Variants in PTPRZ1 observed in about 807,000 individuals in gnomAD.
PTPRZ1 encodes the protein receptor-type tyrosine-protein phosphatase zeta.
PTPRZ1 carries 82 observed loss-of-function variants against 214.1 expected under a neutral mutation model. That is an observed-to-expected ratio of 0.38 (90% confidence interval 0.32 to 0.46). The LOEUF (loss-of-function observed/expected upper bound fraction) is 0.46. Among genes scored for constraint, PTPRZ1 ranks in the 20% least tolerant of loss-of-function variants. PTPRZ1 has a pLI of 1.00. For synonymous variants in PTPRZ1, 945 were observed against 987.9 expected, an observed-to-expected ratio of 0.96 and a Z score of 0.81; for missense variants, 2,603 against 2,748.7, an observed-to-expected ratio of 0.95 and a Z score of 1.19.
chr7:121,910,640 T>TA (rs1418128367), intron 1 of PTPRZ1, among the ~76,000 whole-genome samples: 1 of 151,570 alleles, frequency 6.6e-6, no homozygotes, highest in East Asian at 1.9e-4. Context: ...AAGAAAAGAC[T>TA]AAAAAAGGAA....
At chr7:121,932,510 G>T (rs1272621944) in intron 2 of PTPRZ1, among the ~76,000 whole-genome samples, 6 of 152,050 alleles carry the variant, frequency 3.9e-5, no homozygotes, top group African/African-American at 1.4e-4. Context: ...AGTTTATCTT[G>T]TTGAGCTGTA....
intron 11 of PTPRZ1, among the ~76,000 whole-genome samples, chr7:122,007,190 GATCTAGAGGAAA>G (rs1798518790): frequency 1.3e-5 from 2 of 152,116 alleles, no homozygotes; most frequent in African/African-American, 4.8e-5. Flanking sequence ...AGAAGGCTAT[GATCTAGAGGAAA>G]ATGAGGAGGA....
At chr7:122,044,298 T>A in intron 22 of PTPRZ1, 124 bp from the exon 23 acceptor site, 1 of 1,124,896 alleles carries the variant, frequency 8.9e-7, no homozygotes, top group South Asian at 1.5e-5. Flanking sequence ...GTAAGCAATC[T>A]TGTGTGGGTC....
chr7:121,990,873 A>G (rs1797939570), intron 8 of PTPRZ1, among the ~76,000 whole-genome samples: 1 of 152,196 alleles, frequency 6.6e-6, no homozygotes, highest in African/African-American at 2.4e-5. Flanking sequence ...ACATGTGAAT[A>G]ACAGTACAAA....
At chr7:121,898,262 G>GTTTT (rs5887058) in intron 1 of PTPRZ1, among the ~76,000 whole-genome samples, 2 of 149,786 alleles carry the variant, frequency 1.3e-5, no homozygotes, top group African/African-American at 4.9e-5. Flanking sequence ...AATGTGATGG[G>GTTTT]TTTTTTTTTT....
intron 12 of PTPRZ1, among the ~76,000 whole-genome samples, chr7:122,014,431 A>ATTC (rs1196518407): frequency 2.0e-5 from 3 of 151,880 alleles, no homozygotes; most frequent in African/African-American, 7.2e-5. Flanking sequence ...TATTATTATT[A>ATTC]TTTAATTAAT....
intron 29 of PTPRZ1, 132 bp downstream of exon 29, chr7:122,060,020 T>C (rs1009538288): frequency 6.3e-5 from 56 of 887,116 alleles, no homozygotes; most frequent in Non-Finnish European, 8.7e-5. Context: ...TCAAGCTGAA[T>C]TACAAGTCCA....
At chr7:122,018,990 G>A in intron 12 of PTPRZ1, 134 bp from the exon 13 acceptor site, 1 of 791,984 alleles carries the variant, frequency 1.3e-6, no homozygotes, top group Non-Finnish European at 2.0e-6. Flanking sequence ...TATAATTGTA[G>A]ACATTCTTTG....
intron 1 of PTPRZ1, among the ~76,000 whole-genome samples, chr7:121,905,603 A>T (rs1795091124): frequency 1.3e-5 from 2 of 149,964 alleles, no homozygotes. Context: ...TACATGTAAC[A>T]CTTAACAGTG....
intron 2 of PTPRZ1, among the ~76,000 whole-genome samples, chr7:121,953,158 T>G (rs1191418413): frequency 6.6e-6 from 1 of 152,250 alleles, no homozygotes; most frequent in East Asian, 1.9e-4. Flanking sequence ...TAATTATCAC[T>G]TAAGCACTTT....
At position 121,997,877 on chromosome 7, in the gene PTPRZ1, T is replaced by C. The variant is rs1474121135; in HGVS notation, c.1114-3T>C. On this transcript the variant is annotated splice_region_variant and splice_polypyrimidine_tract_variant and intron_variant, in intron 9 of 29. Coordinates refer to ENST00000393386, the MANE Select transcript of PTPRZ1 (RefSeq NM_002851.3). ...TGTATAATTACTAACATCTTTCTTTTAGGGTGCTATTCTCAATAATTTGCT... is the reference window on the plus strand; with the variant it reads ...TGTATAATTACTAACATCTTTCTTTCAGGGTGCTATTCTCAATAATTTGCT... The C allele has an allele frequency of 1.3e-6, 2 of 1,599,770 alleles. No homozygotes were observed. Among genetic ancestry groups the C allele is most frequent in the Non-Finnish European group, 1.7e-6 (2 of 1,169,766 alleles).
At chr7:122,057,248 A>G (rs189319357) in intron 27 of PTPRZ1, among the ~76,000 whole-genome samples, 2 of 152,028 alleles carry the variant, frequency 1.3e-5, no homozygotes, top group East Asian at 3.9e-4. Flanking sequence ...CTCATCAGGA[A>G]TGTATGAGTG....
chr7:122,023,815 T>G, intron 13 of PTPRZ1, among the ~76,000 whole-genome samples: 1 of 130,764 alleles, frequency 7.6e-6, no homozygotes, highest in East Asian at 2.1e-4. Context: ...TAATTATATA[T>G]TATATGTATA....
At position 122,061,123 on chromosome 7, in the gene PTPRZ1, G is replaced by C. The variant is rs1464597694; in HGVS notation, c.6851G>C (p.Ser2284Thr). The C allele has an allele frequency of 4.3e-6, 7 of 1,609,948 alleles. No individual in the cohort carries two copies. Among genetic ancestry groups the C allele is most frequent in the Non-Finnish European group, 5.9e-6 (7 of 1,176,944 alleles). ...FLYKVILSLV[S>T]TRQEENPSTS... ...TACAAAGTGATCCTCAGCCTTGTGAGCACAAGGCAGGAAGAGAATCCATCC... is the reference window on the plus strand; with the variant it reads ...TACAAAGTGATCCTCAGCCTTGTGACCACAAGGCAGGAAGAGAATCCATCC... The change falls in exon 30 of 30, where the codon AGC (serine) becomes ACC (threonine). Residue 2284 changes from serine (S) to threonine (T), a missense_variant. Around this residue, in one of 6 missense-constraint regions of PTPRZ1, gnomAD observed 165 missense variants for 151.4 expected, o/e 1.09. Coordinates refer to ENST00000393386, the MANE Select transcript of PTPRZ1 (RefSeq NM_002851.3).
intron 8 of PTPRZ1, among the ~76,000 whole-genome samples, chr7:121,988,693 T>A (rs1797845062): frequency 2.0e-5 from 3 of 152,170 alleles, no homozygotes; most frequent in Admixed American, 2.0e-4. Flanking sequence ...GAATGGTGAA[T>A]AAGTGAATGA....
At chr7:121,882,118 A>C (rs1284386014) in intron 1 of PTPRZ1, among the ~76,000 whole-genome samples, 1 of 152,242 alleles carries the variant, frequency 6.6e-6, no homozygotes, top group Non-Finnish European at 1.5e-5. Flanking sequence ...AGGTGTTTCA[A>C]ATAACTCCTT....
rs1157221341 is a variant in PTPRZ1, at chr7:122,000,970, C to T, written c.1240+2964C>T. On this transcript the variant is annotated intron_variant, in intron 10 of 29. Transcript: ENST00000393386. ...AAGTGCTGGGATCACAGGCGTGAGC[C>T]ACCGCACCTGGCCAGATTTCAAATA... 3.9e-5 allele frequency among the ~76,000 whole-genome samples: 6 copies of T among 151,994 alleles called. No homozygotes were observed. In the East Asian group the frequency reaches 1.2e-3, roughly 30 times the overall value.
At chr7:122,024,613 T>TA (rs1242543446) in intron 13 of PTPRZ1, among the ~76,000 whole-genome samples, 3 of 152,084 alleles carry the variant, frequency 2.0e-5, no homozygotes, top group Non-Finnish European at 4.4e-5. Context: ...TTTTTTTACT[T>TA]ACAAGCTTTT....
At chr7:122,024,423 T>C (rs1196681941) in intron 13 of PTPRZ1, among the ~76,000 whole-genome samples, 1 of 152,066 alleles carries the variant, frequency 6.6e-6, no homozygotes, top group Non-Finnish European at 1.5e-5. Context: ...TCTCTCTTGA[T>C]CTTAAACTTG....
Sources: gnomAD v4.1 joint callset for allele counts (sites outside exome capture counted in the v4.1 genomes callset) on GRCh38, gnomAD v4.1.1 for gene constraint, gnomAD v4.1.1 regional missense constraint, MANE v1.5 for transcripts, NCBI Gene and HGNC (gene_info 2026-07-23, HGNC 2026-07-21) for gene names.